PTPDC1: variants seen among roughly 807,000 people sequenced by gnomAD.
PTPDC1 encodes protein tyrosine phosphatase domain containing 1, also known as protein tyrosine phosphatase domain-containing protein 1.
Under a neutral mutation model 75.3 loss-of-function variants are expected in PTPDC1, and 53 were observed. The ratio of observed to expected loss-of-function variants is 0.70; its 90% CI spans 0.56 to 0.88. PTPDC1 has a LOEUF of 0.88. Ranked by LOEUF, PTPDC1 falls within the 40% of genes least tolerant of loss-of-function variation. The probability of loss-of-function intolerance (pLI) is 0.00; values close to 1 mark genes in which losing one functional copy is unlikely to be tolerated. For missense variants in PTPDC1, 925 were observed against 998.6 expected (o/e 0.93, Z 0.99); for synonymous variants, 349 against 366.2 (o/e 0.95, Z 0.54).
At chr9:94,085,832 A>G (rs897075111) in intron 2 of PTPDC1, among the ~76,000 whole-genome samples, 6 of 152,222 alleles carry the variant, frequency 3.9e-5, no homozygotes, top group Admixed American at 2.0e-4. Context: ...CCTATATTCT[A>G]TATGAAAGGT....
At chr9:94,050,990 G>C (rs570002567) in intron 1 of PTPDC1, among the ~76,000 whole-genome samples, 1 of 152,176 alleles carries the variant, frequency 6.6e-6, no homozygotes, top group African/African-American at 2.4e-5. Context: ...GTGAGGCTCC[G>C]TGGGCATAGG....
At chr9:94,066,801 G>A (rs1478241148) in intron 2 of PTPDC1, among the ~76,000 whole-genome samples, 8 of 151,696 alleles carry the variant, frequency 5.3e-5, no homozygotes, top group East Asian at 1.9e-4. Flanking sequence ...CAAATGACCC[G>A]CCTGCCTCAG....
chr9:94,058,357 A>G (rs1441880142), intron 1 of PTPDC1, among the ~76,000 whole-genome samples: 2 of 152,174 alleles, frequency 1.3e-5, no homozygotes, highest in East Asian at 3.8e-4. Flanking sequence ...TTATGATAGT[A>G]TGATTAAGAA....
In PTPDC1 at chr9:94,097,985, G is replaced by C; in HGVS notation, c.1419G>C (p.Leu473Phe). ...ETPQTVPAQILVGHKPRQQKL... is the reference protein window; with the variant it reads ...ETPQTVPAQIFVGHKPRQQKL... ...CACAGACAGTGCCTGCCCAGATCTT[G>C]GTTGGCCACAAGCCCAGGCAGCAGA... Residue 473 changes from leucine (L) to phenylalanine (F), a missense_variant, in exon 6 of 9, where the codon TTG becomes TTC. Transcript: ENST00000620992. 1 of 1,614,148 alleles carries C rather than the reference G, an allele frequency of 6.2e-7. No homozygotes were observed. Among genetic ancestry groups the C allele is most frequent in the South Asian group, 1.1e-5 (1 of 91,062 alleles).
rs1044582425 is a variant in PTPDC1, at chr9:94,038,227, G to A, written c.-7+7100G>A. 1.3e-5 allele frequency: 12 copies of A among 911,304 alleles called. No individual in the cohort carries two copies. In the African/African-American group the frequency reaches 2.0e-4, roughly 15 times the overall value. 56.5% of individuals were successfully genotyped at this position (911,304 alleles called of 1,614,324 possible). A position where few individuals can be genotyped will look rare whatever the true frequency, so the allele number is the denominator to read the frequency against. Reference sequence around the variant, plus strand: ...TCACCTGGGGAGAGGATACACTGATGGAGTATTTGGAGAATCCCAAGAAGT... The same window carrying A: ...TCACCTGGGGAGAGGATACACTGATAGAGTATTTGGAGAATCCCAAGAAGT... On this transcript the variant is annotated intron_variant, in intron 1 of 9. Coordinates refer to the PTPDC1 transcript ENST00000375360.
Position 94,098,287 on chromosome 9 carries a change from A to C in PTPDC1, c.1721A>C (p.Gln574Pro), listed in dbSNP as rs1195279037. Residue 574 changes from glutamine (Q) to proline (P), a missense_variant, in exon 6 of 9, where the codon CAG (glutamine) becomes CCG (proline). Physicochemically the swap from Gln to Pro is moderately conservative, Grantham distance 76. Coordinates refer to ENST00000620992, the MANE Select transcript of PTPDC1 (RefSeq NM_001253829.2). ...NVHKDPNPAH[Q>P]QVSHCQCKTH... ...CATAAGGATCCAAACCCTGCTCACC[A>C]GCAAGTGTCTCACTGTCAGTGTAAA... The C allele has an allele frequency of 3.7e-6, 6 of 1,614,108 alleles. No individual in the cohort carries two copies. The highest frequency in any genetic ancestry group is 5.1e-6 in the Non-Finnish European group (6 of 1,180,054).
At chr9:94,104,471 C>T in intron 8 of PTPDC1, 86 bp downstream of exon 8, 1 of 826,902 alleles carries the variant, frequency 1.2e-6, no homozygotes, top group Non-Finnish European at 2.0e-6. Context: ...CCGTCCTCCT[C>T]TAAAATAAAA....
chr9:94,038,695 A>G (rs930713126), intron 1 of PTPDC1, among the ~76,000 whole-genome samples: 27 of 152,222 alleles, frequency 1.8e-4, no homozygotes, highest in African/African-American at 5.5e-4. Flanking sequence ...TAGTTATGTG[A>G]ATATATTTAA....
intron 8 of PTPDC1, among the ~76,000 whole-genome samples, chr9:94,106,453 A>G (rs149425745): frequency 2.0e-5 from 3 of 152,316 alleles, no homozygotes; most frequent in East Asian, 1.9e-4. Flanking sequence ...CTCCTCAGCT[A>G]TGAGGCAAAC....
At chr9:94,105,138 AT>A (rs796655104) in intron 8 of PTPDC1, among the ~76,000 whole-genome samples, 7 of 152,240 alleles carry the variant, frequency 4.6e-5, no homozygotes, top group African/African-American at 1.7e-4. Flanking sequence ...CCTTTTTAAT[AT>A]TTGTCCAGTC....
rs534416940 is a variant in PTPDC1 at position 94,074,748 on chromosome 9, T to G, written c.82+9927T>G. Among the ~76,000 whole-genome samples, 5 of 152,294 alleles carry G rather than the reference T, an allele frequency of 3.3e-5. No individual in the cohort carries two copies. The South Asian group carries it at 8.3e-4, about 25-fold the overall frequency. On this transcript the variant is annotated intron_variant, in intron 2 of 9. Transcript: ENST00000375360. Reference sequence around the variant, plus strand: ...GCTCCCCTTGAAGCTCCCCTGTTGCTTGGGGCAGCAGCAGCAGGGACGTGA... The same window carrying G: ...GCTCCCCTTGAAGCTCCCCTGTTGCGTGGGGCAGCAGCAGCAGGGACGTGA...
At chr9:94,101,489 C>T (rs1490008863) in intron 6 of PTPDC1, 77 bp from the exon 7 acceptor site, 4 of 1,082,584 alleles carry the variant, frequency 3.7e-6, no homozygotes, top group Admixed American at 4.2e-5. Context: ...AAGAATCATG[C>T]AGTGTCAAAT....
upstream of PTPDC1, among the ~76,000 whole-genome samples, chr9:94,080,538 A>G (rs1030242438): frequency 9.2e-5 from 14 of 152,226 alleles, 1 homozygote; most frequent in Admixed American, 7.2e-4. Flanking sequence ...GGCAATGAGC[A>G]TACCTAACAC....
chr9:94,097,449 A>G lies in PTPDC1; in HGVS notation c.883A>G (p.Thr295Ala). 1 of 1,614,122 alleles carries G rather than the reference A, an allele frequency of 6.2e-7. No homozygotes were observed. The highest frequency in any genetic ancestry group is 8.5e-7 in the Non-Finnish European group (1 of 1,180,018). The change falls in exon 6 of 9, where the codon ACT becomes GCT. Residue 295 changes from threonine (T) to alanine (A), a missense_variant. Thr to Ala is a moderately conservative substitution (Grantham distance 58). Transcript: ENST00000620992. ...RGQLLCVREF[T>A]QFLTPLRNIF... ...ACAGCTCCTCTGTGTAAGGGAATTT[A>G]CTCAGTTTCTAACTCCTCTCCGCAA...
chr9:94,075,135 G>GA (rs139094955), intron 2 of PTPDC1, among the ~76,000 whole-genome samples: 52,019 of 151,964 alleles, frequency 0.34, 11,288 homozygotes, highest in African/African-American at 0.61. Flanking sequence ...CTGATGGGGG[G>GA]AATCATCTTT....
At chr9:94,069,165 C>T (rs1826422031) in intron 2 of PTPDC1, among the ~76,000 whole-genome samples, 1 of 152,146 alleles carries the variant, frequency 6.6e-6, no homozygotes, top group Non-Finnish European at 1.5e-5. Flanking sequence ...TCATGATTCC[C>T]AACCCCTTTT....
At chr9:94,042,157 C>T (rs1273249201) in intron 1 of PTPDC1, among the ~76,000 whole-genome samples, 2 of 152,262 alleles carry the variant, frequency 1.3e-5, no homozygotes, top group East Asian at 3.9e-4. Context: ...CTTATTTTTT[C>T]AATTCCAGTA....
At chr9:94,041,024 TTGAG>T (rs1257532336) in intron 1 of PTPDC1, among the ~76,000 whole-genome samples, 3 of 152,322 alleles carry the variant, frequency 2.0e-5, no homozygotes, top group African/African-American at 7.2e-5. Flanking sequence ...TACCTGATAG[TTGAG>T]TTAGTATTTT....
intron 1 of PTPDC1, among the ~76,000 whole-genome samples, chr9:94,032,461 C>T (rs951171130): frequency 6.6e-6 from 1 of 152,154 alleles, no homozygotes; most frequent in African/African-American, 2.4e-5. Context: ...AACAGAGATT[C>T]CATCTCCTTT....
Sources: allele counts gnomAD v4.1 joint callset (sites outside exome capture counted in the v4.1 genomes callset), GRCh38; gene constraint gnomAD v4.1.1; transcripts MANE v1.5; gene names NCBI Gene and HGNC (gene_info 2026-07-23, HGNC 2026-07-21).